IL34: variants seen among roughly 807,000 people sequenced by gnomAD.
The protein encoded by IL34 is interleukin-34.
A neutral mutation model predicts 25.3 loss-of-function variants in IL34; 17 were observed. The ratio of observed to expected loss-of-function variants is 0.67; its 90% CI spans 0.46 to 1.01. The LOEUF is 1.01. Among genes scored for constraint, IL34 ranks in the 50% least tolerant of loss-of-function variants. The pLI is 0.00. For missense variants in IL34, 368 were observed against 312.9 expected (o/e 1.18, Z -1.33); for synonymous variants, 174 against 140.9 (o/e 1.23, Z -1.66).
upstream of IL34, among the ~76,000 whole-genome samples, chr16:70,643,066 A>C (rs1199101443): frequency 6.6e-6 from 1 of 151,956 alleles, no homozygotes. Flanking sequence ...ATTTTTATTT[A>C]TTTTTATTTA....
intron 1 of IL34, among the ~76,000 whole-genome samples, chr16:70,632,698 G>A (rs1056221503): frequency 8.5e-5 from 13 of 152,130 alleles, no homozygotes. Context: ...TTTTGCTGTG[G>A]GCAGAAGGGA....
intron 2 of IL34, 108 bp downstream of exon 2, chr16:70,654,779 C>A: frequency 7.4e-7 from 1 of 1,343,498 alleles, no homozygotes; most frequent in Non-Finnish European, 1.0e-6. Flanking sequence ...CAGCCCTGAG[C>A]CGACCATGGC....
intron 1 of IL34, among the ~76,000 whole-genome samples, chr16:70,623,806 G>A (rs1211216400): frequency 6.6e-6 from 1 of 150,412 alleles, no homozygotes; most frequent in Non-Finnish European, 1.5e-5. Flanking sequence ...TAAAAGGAGT[G>A]CTTAAAAGAG....
At chr16:70,587,674 A>G (rs913176096) in intron 1 of IL34, among the ~76,000 whole-genome samples, 12 of 152,008 alleles carry the variant, frequency 7.9e-5, no homozygotes, top group African/African-American at 1.9e-4. Flanking sequence ...TAAAATGGGG[A>G]AAAATACACA....
rs114249104 is a variant in IL34, at chr16:70,599,102, G to A, written c.-401+19053G>A. 3.5e-3 allele frequency among the ~76,000 whole-genome samples: 530 copies of A among 152,328 alleles called. 5 individuals are homozygous for A. Among genetic ancestry groups the A allele is most frequent in the African/African-American group, 0.012 (501 of 41,572 alleles). On this transcript the variant is annotated intron_variant, in intron 1 of 6. Transcript: ENST00000429149. ...ATACTGACTCAGGCAAGAGATGGTGGGGGTCAAGTGCTCTATCCTGTTTTG... is the reference window on the plus strand; with the variant it reads ...ATACTGACTCAGGCAAGAGATGGTGAGGGTCAAGTGCTCTATCCTGTTTTG...
intron 1 of IL34, among the ~76,000 whole-genome samples, chr16:70,615,641 T>C (rs1388069003): frequency 6.6e-6 from 1 of 151,530 alleles, no homozygotes; most frequent in South Asian, 2.1e-4. Context: ...TATACAAATA[T>C]ATAGATATAG....
chr16:70,630,897 A>G (rs960930743), intron 1 of IL34, among the ~76,000 whole-genome samples: 3 of 152,168 alleles, frequency 2.0e-5, no homozygotes, highest in African/African-American at 4.8e-5. Context: ...TCATCTGCTG[A>G]TGGGCACTCA....
intron 4 of IL34, among the ~76,000 whole-genome samples, chr16:70,658,511 C>G (rs1462920113): frequency 6.6e-6 from 1 of 151,218 alleles, no homozygotes; most frequent in Non-Finnish European, 1.5e-5. Flanking sequence ...GAGGCGGAGT[C>G]TCACTGTGTC....
chr16:70,654,231 G>A (rs934230817), intron 1 of IL34: 10 of 255,936 alleles, frequency 3.9e-5, no homozygotes, highest in Non-Finnish European at 6.7e-5. Context: ...GGGAGGTTGT[G>A]CCTGCCCCAC....
At chr16:70,659,792 G>C (rs11648649) in intron 5 of IL34, 39 bp downstream of exon 5, 36,071 of 1,573,666 alleles carry the variant, frequency 0.023, 594 homozygotes, top group Non-Finnish European at 0.025. Context: ...GGGGTGGGAG[G>C]CCAGGCATCT....
At position 70,660,337 on chromosome 16, in the gene IL34, C is replaced by A; in HGVS notation, c.*150C>A. 1 of 682,470 alleles carries A rather than the reference C, an allele frequency of 1.5e-6. No homozygotes were observed. The allele number at this position is 682,470 out of a possible 1,614,324, so 42.3% of individuals were successfully genotyped here. On this transcript the variant is annotated 3_prime_UTR_variant, in exon 6 of 6. Transcript: ENST00000288098. ...TTTTTCCTTTGAGGGGGATTCTGTG[C>A]CACAGCAGGGCTCAGCTTCCTGCCT...
upstream of IL34, among the ~76,000 whole-genome samples, chr16:70,643,294 C>T (rs2051830677): frequency 6.6e-6 from 1 of 152,194 alleles, no homozygotes; most frequent in African/African-American, 2.4e-5. Context: ...GAATCCCTGA[C>T]CTCAGGTGAT....
At chr16:70,594,955 C>CTTT (rs113922793) in intron 1 of IL34, among the ~76,000 whole-genome samples, 4 of 124,910 alleles carry the variant, frequency 3.2e-5, no homozygotes, top group South Asian at 2.3e-4. Flanking sequence ...CTCTCTCTCT[C>CTTT]TTTTTTTTTT....
Position 70,646,991 on chromosome 16 carries a change from T to G in IL34, c.28+16T>G. 6 of 1,445,842 alleles carry G rather than the reference T, an allele frequency of 4.1e-6. No homozygotes were observed. Among genetic ancestry groups the G allele is most frequent in the South Asian group, 1.5e-5 (1 of 65,622 alleles). 89.6% of individuals were successfully genotyped at this position (1,445,842 alleles called of 1,614,324 possible). ...TGGCTGCGCTGTGAGTACTGGGGGGTCCCTAGGGACCTGCATTGGGAGGCC... is the reference window on the plus strand; with the variant it reads ...TGGCTGCGCTGTGAGTACTGGGGGGGCCCTAGGGACCTGCATTGGGAGGCC... On this transcript the variant is annotated intron_variant, in intron 1 of 5. Coordinates refer to ENST00000288098, the MANE Select transcript of IL34 (RefSeq NM_001393494.1).
intron 3 of IL34, 122 bp downstream of exon 3, chr16:70,656,801 G>A (rs370694036): frequency 5.8e-5 from 59 of 1,013,014 alleles, no homozygotes; most frequent in Admixed American, 1.4e-4. Flanking sequence ...CCTCAGCCCC[G>A]AGAGCAGGCT....
Position 70,660,237 on chromosome 16 carries a change from G to C in IL34, c.*50G>C, listed in dbSNP as rs749574027. The C allele has an allele frequency of 4.7e-6, 7 of 1,483,536 alleles. No homozygotes were observed. The highest frequency in any genetic ancestry group is 1.8e-6 in the Non-Finnish European group (2 of 1,110,668). The allele number at this position is 1,483,536 out of a possible 1,614,324, so 91.9% of individuals were successfully genotyped here. A position where few individuals can be genotyped will look rare whatever the true frequency, so the allele number is the denominator to read the frequency against. On this transcript the variant is annotated 3_prime_UTR_variant, in exon 6 of 6. Transcript: ENST00000288098. ...AGGGGCAGCCAGACCAGCTCCCACA[G>C]GAGTTCAACTGGGTCTGAGACTTCA...
intron 1 of IL34, among the ~76,000 whole-genome samples, chr16:70,619,837 G>T (rs1049452811): frequency 1.3e-5 from 2 of 152,222 alleles, no homozygotes; most frequent in African/African-American, 4.8e-5. Flanking sequence ...CCGATTTTCA[G>T]TGGGGTCCCA....
chr16:70,612,493 C>G (rs1222520941), intron 1 of IL34, among the ~76,000 whole-genome samples: 6 of 152,188 alleles, frequency 3.9e-5, no homozygotes, highest in African/African-American at 1.4e-4. Flanking sequence ...CGTAATTACT[C>G]CAGAGACTTT....
At chr16:70,610,068 G>C (rs1157071926) in intron 1 of IL34, among the ~76,000 whole-genome samples, 3 of 152,168 alleles carry the variant, frequency 2.0e-5, no homozygotes, top group Non-Finnish European at 4.4e-5. Flanking sequence ...CAGGTGTGGT[G>C]GCGGGCGCCT....
Sources: gnomAD v4.1 joint callset for allele counts (sites outside exome capture counted in the v4.1 genomes callset) on GRCh38, gnomAD v4.1.1 for gene constraint, MANE v1.5 for transcripts, NCBI Gene and HGNC (gene_info 2026-07-23, HGNC 2026-07-21) for gene names.